The following INSIG2 variants were observed in gnomAD, a reference collection of about 807,000 sequenced individuals.
The protein encoded by INSIG2 is insulin-induced gene 2 protein.
Under a neutral mutation model 27.2 loss-of-function variants are expected in INSIG2, and 10 were observed. The ratio of observed to expected loss-of-function variants is 0.37; its 90% CI spans 0.23 to 0.62. The LOEUF is 0.62. INSIG2 is among the 20% of genes least tolerant of loss of function. The pLI, the probability that INSIG2 is intolerant of heterozygous loss-of-function variation, is 0.65. For synonymous variants in INSIG2, 97 were observed against 95.8 expected (o/e 1.01, Z -0.07); for missense variants, 178 against 270.2 (o/e 0.66, Z 2.39).
rs982399136 is a variant in INSIG2 at position 118,110,190 on chromosome 2, A to T, written c.*1868A>T. On this transcript the variant is annotated 3_prime_UTR_variant, in exon 6 of 6. Transcript: ENST00000245787. ...GGAGTTAGGGGCACCACTCCCCAAC[A>T]TAGTTGAAAATCCATGTATAACTTT... is the stretch of plus-strand genomic sequence containing the variant. 6.6e-6 allele frequency: 1 copy of T among 152,258 alleles called. No homozygotes were observed. The highest frequency in any genetic ancestry group is 2.4e-5 in the African/African-American group (1 of 41,466). The allele number at this position is 152,258 out of a possible 1,614,324, so 9.4% of individuals were successfully genotyped here. A position where few individuals can be genotyped will look rare whatever the true frequency, so the allele number is the denominator to read the frequency against.
At position 118,105,545 on chromosome 2, in the gene INSIG2, G is replaced by A. The variant is rs368885103; in HGVS notation, c.370-1192G>A. Among the ~76,000 whole-genome samples the A allele has an allele frequency of 2.3e-4, 35 of 152,216 alleles. No individual in the cohort carries two copies. In the East Asian group the frequency reaches 6.6e-3, roughly 29 times the overall value. On this transcript the variant is annotated intron_variant, in intron 3 of 5. Coordinates refer to ENST00000245787, the MANE Select transcript of INSIG2 (RefSeq NM_016133.4). ...AAGTATAATGACAGCATAACAATAA[G>A]AAAAGCTTTTCCAGAAGCATACCCA...
chr2:118,096,863 T>A (rs1454640756), intron 2 of INSIG2, 63 bp downstream of exon 2: 1 of 1,521,086 alleles, frequency 6.6e-7, no homozygotes, highest in Admixed American at 2.0e-5. Context: ...ATGGACGTTG[T>A]CTGAGCAATA....
intron 5 of INSIG2, among the ~76,000 whole-genome samples, chr2:118,107,477 A>AT (rs1678702507): frequency 1.3e-5 from 2 of 152,322 alleles, no homozygotes; most frequent in Admixed American, 1.3e-4. Flanking sequence ...GTCTCCCACT[A>AT]TATCAGAAAA....
intron 3 of INSIG2, among the ~76,000 whole-genome samples, chr2:118,104,875 A>T (rs1381457788): frequency 6.6e-6 from 1 of 152,118 alleles, no homozygotes; most frequent in Non-Finnish European, 1.5e-5. Flanking sequence ...CTAAAAACTT[A>T]ATAAGTTCAA....
At chr2:118,089,455 C>G (rs920740712) in intron 1 of INSIG2, among the ~76,000 whole-genome samples, 2 of 151,868 alleles carry the variant, frequency 1.3e-5, no homozygotes, top group Non-Finnish European at 2.9e-5. Flanking sequence ...CGTCCTGGTG[C>G]AGAAAAAATA....
intron 3 of INSIG2, among the ~76,000 whole-genome samples, chr2:118,103,641 G>A (rs1288482806): frequency 6.6e-6 from 1 of 152,148 alleles, no homozygotes; most frequent in Non-Finnish European, 1.5e-5. Flanking sequence ...TACATTTTCA[G>A]AGGAGTTTTT....
At chr2:118,106,510 C>T (rs1012349387) in intron 3 of INSIG2, 1 of 445,070 alleles carries the variant, frequency 2.2e-6, no homozygotes. Flanking sequence ...GGAGGGGTTA[C>T]AGTTGGTAGG....
intron 2 of INSIG2, among the ~76,000 whole-genome samples, chr2:118,101,112 A>G (rs1216515138): frequency 6.6e-6 from 1 of 152,226 alleles, no homozygotes; most frequent in Non-Finnish European, 1.5e-5. Context: ...AAGAAGAGGA[A>G]AAGAGGCCCA....
At chr2:118,089,545 A>G (rs1678176945) in intron 1 of INSIG2, among the ~76,000 whole-genome samples, 1 of 151,936 alleles carries the variant, frequency 6.6e-6, no homozygotes, top group African/African-American at 2.4e-5. Context: ...ATGAAGATGG[A>G]TGAAGGGAAT....
In INSIG2 at chr2:118,108,528, C is replaced by A; in HGVS notation, c.*206C>A. ...GCTTCATCTGTAAATCAGTTGTAAA[C>A]CTTTACATATTTGACTTAAATAACT... On this transcript the variant is annotated 3_prime_UTR_variant, in exon 6 of 6. Coordinates refer to ENST00000245787, the MANE Select transcript of INSIG2 (RefSeq NM_016133.4). 2.3e-6 allele frequency: 1 copy of A among 432,736 alleles called. No individual in the cohort carries two copies. The allele number at this position is 432,736 out of a possible 1,614,324, so 26.8% of individuals were successfully genotyped here.
Position 118,096,509 on chromosome 2 carries a change from A to G in INSIG2, c.-48A>G. The G allele has an allele frequency of 6.4e-7, 1 of 1,551,902 alleles. No individual in the cohort carries two copies. On this transcript the variant is annotated 5_prime_UTR_variant, in exon 2 of 6. Coordinates refer to ENST00000245787, the MANE Select transcript of INSIG2 (RefSeq NM_016133.4). Reference sequence around the variant, plus strand: ...AGACAGTTGAGCTTTTCAGCTGGGAAGCCTTTCCATTTTTTTTTTTTTAAC... The same window carrying G: ...AGACAGTTGAGCTTTTCAGCTGGGAGGCCTTTCCATTTTTTTTTTTTTAAC...
chr2:118,091,631 TTTA>T (rs1304784522), intron 1 of INSIG2, among the ~76,000 whole-genome samples: 2 of 138,220 alleles, frequency 1.4e-5, no homozygotes, highest in Non-Finnish European at 3.4e-5. Flanking sequence ...TCTTAAAGCT[TTTA>T]TTTTTTGTCA....
intron 1 of INSIG2, among the ~76,000 whole-genome samples, chr2:118,095,744 G>T (rs2104526393): frequency 6.6e-6 from 1 of 152,272 alleles, no homozygotes. Context: ...TCCCTTCTGT[G>T]ATTGCAACAA....
chr2:118,096,317 T>G, intron 1 of INSIG2, 102 bp from the exon 2 acceptor site: 2 of 389,142 alleles, frequency 5.1e-6, no homozygotes, highest in Non-Finnish European at 9.2e-6. Context: ...AAGCTTGTCA[T>G]TTTCTTATTT....
intron 1 of INSIG2, among the ~76,000 whole-genome samples, chr2:118,089,393 T>C (rs1678172290): frequency 6.6e-6 from 1 of 150,734 alleles, no homozygotes; most frequent in African/African-American, 2.5e-5. Context: ...ACTGAAACTG[T>C]TTGGTATCAG....
chr2:118,103,083 T>A, intron 2 of INSIG2, 114 bp from the exon 3 acceptor site: 1 of 1,003,122 alleles, frequency 1.0e-6, no homozygotes, highest in Non-Finnish European at 1.4e-6. Context: ...TTTTTTTGTT[T>A]TTTTTTTTTT....
chr2:118,107,245 TA>T (rs1200396429), intron 5 of INSIG2, 56 bp downstream of exon 5: 44 of 1,237,340 alleles, frequency 3.6e-5, no homozygotes, highest in Non-Finnish European at 4.7e-5. Context: ...AAGTTTTCTC[TA>T]AAAGGCAGTC....
At chr2:118,093,870 G>T (rs1573569299) in intron 1 of INSIG2, among the ~76,000 whole-genome samples, 1 of 94,274 alleles carries the variant, frequency 1.1e-5, no homozygotes, top group African/African-American at 4.1e-5. Context: ...TGATGAGGAG[G>T]AGGAGGAGGA....
At chr2:118,107,926 A>G (rs986706095) in intron 5 of INSIG2, among the ~76,000 whole-genome samples, 3 of 152,172 alleles carry the variant, frequency 2.0e-5, no homozygotes, top group South Asian at 2.1e-4. Context: ...TTCATGAACT[A>G]TTCTTTGCTA....
Sources: allele counts gnomAD v4.1 joint callset (sites outside exome capture counted in the v4.1 genomes callset), GRCh38; gene constraint gnomAD v4.1.1; transcripts MANE v1.5; gene names NCBI Gene and HGNC (gene_info 2026-07-23, HGNC 2026-07-21).